Variants in GPC5 observed in about 807,000 individuals in gnomAD.
GPC5 encodes glypican-5.
A neutral mutation model predicts 53.9 loss-of-function variants in GPC5; 47 were observed. The ratio of observed to expected loss-of-function variants is 0.87; its 90% confidence interval spans 0.69 to 1.11. The LOEUF (loss-of-function observed/expected upper bound fraction) is 1.11. Ranked by LOEUF, GPC5 falls within the 50% of genes most tolerant of loss-of-function variation. GPC5 has a pLI of 0.00. For synonymous variants in GPC5, 286 were observed against 263.3 expected (o/e 1.09, Z -0.84); for missense variants, 748 against 713.1 (o/e 1.05, Z -0.56).
intron 7 of GPC5, among the ~76,000 whole-genome samples, chr13:92,309,419 T>A (rs1418525234): frequency 1.3e-5 from 2 of 152,108 alleles, no homozygotes; most frequent in East Asian, 3.8e-4. Context: ...TGTGTTATTA[T>A]AAGACTAGCG....
intron 5 of GPC5, among the ~76,000 whole-genome samples, chr13:91,847,877 G>T (rs983898460): frequency 1.3e-5 from 2 of 151,984 alleles, no homozygotes; most frequent in Admixed American, 6.5e-5. Flanking sequence ...TCTAATTTTT[G>T]AAGAATATTA....
At chr13:92,120,381 C>T (rs924961030) in intron 6 of GPC5, among the ~76,000 whole-genome samples, 2 of 152,128 alleles carry the variant, frequency 1.3e-5, no homozygotes, top group Admixed American at 6.5e-5. Flanking sequence ...CTTCAGCCTC[C>T]TGGGTAGCTG....
chr13:92,141,998 C>T (rs1182984204), intron 6 of GPC5, among the ~76,000 whole-genome samples: 1 of 152,078 alleles, frequency 6.6e-6, no homozygotes. Flanking sequence ...AGCTCCTCAC[C>T]CTCACATCTC....
intron 7 of GPC5, among the ~76,000 whole-genome samples, chr13:92,391,410 G>A (rs942351795): frequency 2.0e-5 from 3 of 152,064 alleles, no homozygotes; most frequent in African/African-American, 7.2e-5. Context: ...ATTTCACACA[G>A]TAATTTGCTC....
chr13:92,538,213 C>T (rs1348363150), intron 7 of GPC5, among the ~76,000 whole-genome samples: 1 of 149,676 alleles, frequency 6.7e-6, no homozygotes, highest in Admixed American at 6.7e-5. Flanking sequence ...ATCTATTCCT[C>T]GTCCTCCACT....
At chr13:92,283,082 G>T (rs1005724525) in intron 7 of GPC5, among the ~76,000 whole-genome samples, 7 of 152,030 alleles carry the variant, frequency 4.6e-5, no homozygotes, top group Non-Finnish European at 7.4e-5. Context: ...AAAATGCAGT[G>T]GTTGCAATCC....
intron 6 of GPC5, among the ~76,000 whole-genome samples, chr13:92,084,865 A>G (rs1424101047): frequency 6.6e-6 from 1 of 152,198 alleles, no homozygotes; most frequent in African/African-American, 2.4e-5. Context: ...ATAAGAAAAC[A>G]CGTTAGACAG....
At chr13:92,056,154 A>G (rs770925309) in intron 6 of GPC5, among the ~76,000 whole-genome samples, 3 of 152,112 alleles carry the variant, frequency 2.0e-5, no homozygotes, top group African/African-American at 4.8e-5. Flanking sequence ...GCTAAAATGA[A>G]AGGTTGTCTT....
intron 7 of GPC5, among the ~76,000 whole-genome samples, chr13:92,602,220 AATATATATATAACATATATATAT>A (rs1342892433): frequency 1.8e-5 from 2 of 110,254 alleles, no homozygotes; most frequent in Non-Finnish European, 3.6e-5. Flanking sequence ...CATATATATA[AATATATATATAACATATATATAT>A]ATATATATAT....
chr13:92,428,955 T>C (rs1419816842), intron 7 of GPC5, among the ~76,000 whole-genome samples: 3 of 152,110 alleles, frequency 2.0e-5, no homozygotes, highest in Non-Finnish European at 2.9e-5. Flanking sequence ...GACGAAAGAA[T>C]AAATCAGGAT....
intron 6 of GPC5, among the ~76,000 whole-genome samples, chr13:92,039,856 A>T (rs571340405): frequency 1.3e-5 from 2 of 152,090 alleles, no homozygotes; most frequent in African/African-American, 4.8e-5. Context: ...TTTTACCTTA[A>T]TTACCTCTTT....
chr13:92,625,638 G>C (rs1254163231), intron 7 of GPC5, among the ~76,000 whole-genome samples: 1 of 152,152 alleles, frequency 6.6e-6, no homozygotes, highest in African/African-American at 2.4e-5. Flanking sequence ...TTTAGGACTT[G>C]GGAGGATATT....
At chr13:92,046,194 C>T (rs1299834430) in intron 6 of GPC5, among the ~76,000 whole-genome samples, 1 of 152,106 alleles carries the variant, frequency 6.6e-6, no homozygotes, top group Non-Finnish European at 1.5e-5. Context: ...AATTACCTAT[C>T]TATGAGTATA....
intron 7 of GPC5, among the ~76,000 whole-genome samples, chr13:92,761,636 G>A (rs899600996): frequency 6.6e-6 from 1 of 152,096 alleles, no homozygotes; most frequent in Non-Finnish European, 1.5e-5. Context: ...TCTTGTAGCA[G>A]CATATACTCA....
Position 92,514,596 on chromosome 13 carries a change from G to T in GPC5, c.1562-351686G>T, listed in dbSNP as rs147147896. Among the ~76,000 whole-genome samples, 589 of 152,290 alleles carry T rather than the reference G, an allele frequency of 3.9e-3. 7 individuals are homozygous for T. The highest frequency in any genetic ancestry group is 3.1e-3 in the Non-Finnish European group (214 of 68,024). ...CACATAAAGGCAAATACATGCTCCA[G>T]ATGACAAAGGTAATAGTGGCAAGCA... On this transcript the variant is annotated intron_variant, in intron 7 of 7. Coordinates refer to ENST00000377067, the MANE Select transcript of GPC5 (RefSeq NM_004466.6).
chr13:92,118,113 C>T (rs2041615530), intron 6 of GPC5, among the ~76,000 whole-genome samples: 1 of 151,766 alleles, frequency 6.6e-6, no homozygotes, highest in Non-Finnish European at 1.5e-5. Context: ...TTGTAGATGC[C>T]CTGTATCAGG....
intron 5 of GPC5, among the ~76,000 whole-genome samples, chr13:91,766,364 G>A (rs1370782979): frequency 6.6e-6 from 1 of 152,054 alleles, no homozygotes; most frequent in African/African-American, 2.4e-5. Flanking sequence ...CAGCTTCATG[G>A]GCATGTCGTG....
rs530321374 is a variant in GPC5 at position 92,640,346 on chromosome 13, A to G, written c.1562-225936A>G. Reference sequence around the variant, plus strand: ...GCGATCTCGGCTCACTGCAAGCTCCACCTCCCGGGTTCACGCCATTCTCCT... The same window carrying G: ...GCGATCTCGGCTCACTGCAAGCTCCGCCTCCCGGGTTCACGCCATTCTCCT... On this transcript the variant is annotated intron_variant, in intron 7 of 7. Transcript: ENST00000377067. Among the ~76,000 whole-genome samples the G allele has an allele frequency of 4.9e-4, 74 of 151,370 alleles. 1 individual carries two copies. Among genetic ancestry groups the G allele is most frequent in the South Asian group, 1.7e-3 (8 of 4,772 alleles).
chr13:91,962,401 A>G (rs2040134299), intron 6 of GPC5, among the ~76,000 whole-genome samples: 1 of 152,138 alleles, frequency 6.6e-6, no homozygotes, highest in Non-Finnish European at 1.5e-5. Flanking sequence ...TTCCTGACTT[A>G]AAGATAGTCA....
Sources: allele counts gnomAD v4.1 joint callset (sites outside exome capture counted in the v4.1 genomes callset), GRCh38; gene constraint gnomAD v4.1.1; transcripts MANE v1.5; gene names NCBI Gene and HGNC (gene_info 2026-07-23, HGNC 2026-07-21).